CTNNAL1: variants seen among roughly 807,000 people sequenced by gnomAD.
The protein encoded by CTNNAL1 is alpha-catulin.
In CTNNAL1, 69 loss-of-function variants were observed where a neutral mutation model predicts 93.6. The ratio of observed to expected loss-of-function variants is 0.74; its 90% confidence interval spans 0.61 to 0.90. The LOEUF (loss-of-function observed/expected upper bound fraction) is 0.90. Among genes scored for constraint, CTNNAL1 ranks in the 40% least tolerant of loss-of-function variants. CTNNAL1 has a pLI of 0.00. For synonymous variants in CTNNAL1, 286 were observed against 305.4 expected (o/e 0.94, Z 0.66); for missense variants, 836 against 862.0 (o/e 0.97, Z 0.38).
Position 108,942,681 on chromosome 9 carries a change from G to T in CTNNAL1, c.*88C>A, listed in dbSNP as rs1199452889. The T allele has an allele frequency of 1.5e-5, 14 of 913,732 alleles. No individual in the cohort carries two copies. The highest frequency in any genetic ancestry group is 2.4e-5 in the Non-Finnish European group (14 of 580,974). 56.6% of individuals were successfully genotyped at this position (913,732 alleles called of 1,614,324 possible). On this transcript the variant is annotated 3_prime_UTR_variant, in exon 19 of 19. Transcript: ENST00000325551. ...ATATTGTTTTCTTTATAAAATTGATGAATTTCTGAAAAGATAAAGGATCAT... is the reference window on the plus strand; with the variant it reads ...ATATTGTTTTCTTTATAAAATTGATTAATTTCTGAAAAGATAAAGGATCAT...
intron 14 of CTNNAL1, 128 bp from the exon 15 acceptor site, chr9:108,948,362 CTGA>C (rs1830465251): frequency 5.4e-6 from 4 of 739,126 alleles, no homozygotes; most frequent in Non-Finnish European, 2.1e-6. Context: ...TATGAATAGA[CTGA>C]TAATATTGTA....
chr9:108,998,723 T>A (rs1409098505), intron 2 of CTNNAL1, among the ~76,000 whole-genome samples: 1 of 152,218 alleles, frequency 6.6e-6, no homozygotes, highest in Non-Finnish European at 1.5e-5. Context: ...AGAATACTAA[T>A]GGATACTAAT....
In CTNNAL1 at chr9:108,983,307, C is replaced by T. The variant is rs752760244; in HGVS notation, c.738G>A (p.Leu246=). 3.9e-6 allele frequency: 6 copies of T among 1,523,012 alleles called. No homozygotes were observed. The African/African-American group carries it at 4.3e-5, about 11-fold the overall frequency. 94.3% of individuals were successfully genotyped at this position (1,523,012 alleles called of 1,614,324 possible). The stretch of plus-strand genomic sequence containing the variant: ...GGGCTGATTCGCAGTTAGGATGCCT[C>T]AGACATGTCTTCAAAACAATTGAAA... ...MMLLTASKTC[L]RHPNCESAHK... The change falls in exon 6 of 19, where the codon CTG becomes CTA. Residue 246 remains leucine, a synonymous_variant. Transcript: ENST00000325551.
chr9:108,946,637 G>A (rs917309617), intron 15 of CTNNAL1, among the ~76,000 whole-genome samples: 8 of 152,044 alleles, frequency 5.3e-5, no homozygotes, highest in African/African-American at 1.9e-4. Context: ...AATTCTTATT[G>A]TCTATATTCT....
chr9:108,980,042 A>G (rs1319301816), intron 6 of CTNNAL1, among the ~76,000 whole-genome samples: 2 of 152,210 alleles, frequency 1.3e-5, no homozygotes, highest in Non-Finnish European at 2.9e-5. Context: ...ATCCTCTACC[A>G]GAGGGTCTGT....
chr9:108,976,527 A>AC (rs1445010122), intron 8 of CTNNAL1, among the ~76,000 whole-genome samples: 1 of 151,764 alleles, frequency 6.6e-6, no homozygotes, highest in African/African-American at 2.4e-5. Context: ...TCAAAGGAAA[A>AC]CTTTTTTTTT....
At position 108,983,192 on chromosome 9, in the gene CTNNAL1, T is replaced by C; in HGVS notation, c.853A>G (p.Thr285Ala). Residue 285 changes from threonine (T) to alanine (A), a missense_variant, in exon 6 of 19, where the codon ACT becomes GCT. Coordinates refer to ENST00000325551, the MANE Select transcript of CTNNAL1 (RefSeq NM_003798.4). The stretch of plus-strand genomic sequence containing the variant: ...AAAATACTGATAGATGAAATGTCAG[T>C]CTCTCCATTCGGTTTACAGTCAGTC... ...IVTDCKPNGE[T>A]DISSISIFTG... is the part of the protein sequence containing the mutation. 6.4e-7 allele frequency: 1 copy of C among 1,573,422 alleles called. No homozygotes were observed. Among genetic ancestry groups the C allele is most frequent in the South Asian group, 1.2e-5 (1 of 83,402 alleles).
At chr9:108,963,069 A>C (rs1454165974) in intron 11 of CTNNAL1, among the ~76,000 whole-genome samples, 1 of 152,162 alleles carries the variant, frequency 6.6e-6, no homozygotes, top group African/African-American at 2.4e-5. Context: ...AAGGAAAAAA[A>C]TTACTTATAT....
At chr9:108,997,524 C>G (rs1405408863) in intron 2 of CTNNAL1, among the ~76,000 whole-genome samples, 1 of 152,182 alleles carries the variant, frequency 6.6e-6, no homozygotes, top group Non-Finnish European at 1.5e-5. Context: ...CTCAATGACT[C>G]CTAGTATGGA....
intron 16 of CTNNAL1, 26 bp downstream of exon 16, chr9:108,943,936 G>A: frequency 6.2e-7 from 1 of 1,610,664 alleles, no homozygotes; most frequent in African/African-American, 1.3e-5. Flanking sequence ...ACCACCACCA[G>A]CTCCAGGTAG....
chr9:109,013,432 G>A lies in CTNNAL1; in HGVS notation c.11C>T (p.Ser4Phe), dbSNP rs1176775135. The A allele has an allele frequency of 5.4e-6, 8 of 1,478,276 alleles. No homozygotes were observed. Among genetic ancestry groups the A allele is most frequent in the Non-Finnish European group, 7.2e-6 (8 of 1,112,882 alleles). 91.6% of individuals were successfully genotyped at this position (1,478,276 alleles called of 1,614,324 possible). A position where few individuals can be genotyped will look rare whatever the true frequency, so the allele number is the denominator to read the frequency against. Residue 4 changes from serine to phenylalanine, a missense_variant, in exon 1 of 19, where the codon TCT becomes TTT. Ser to Phe is a radical substitution (Grantham distance 155, BLOSUM62 -2). Coordinates refer to ENST00000325551, the MANE Select transcript of CTNNAL1 (RefSeq NM_003798.4). MAA[S>F]PGPAGVGGAG... The stretch of plus-strand genomic sequence containing the variant: ...GCCGCCAACGCCGGCGGGTCCGGGA[G>A]AGGCGGCCATGGCCCTCGGTCTATC...
At chr9:108,944,088 T>C in intron 15 of CTNNAL1, 70 bp from the exon 16 acceptor site, 1 of 1,363,536 alleles carries the variant, frequency 7.3e-7, no homozygotes, top group African/African-American at 1.5e-5. Flanking sequence ...ATATACTTAC[T>C]AATAATTTTT....
intron 1 of CTNNAL1, among the ~76,000 whole-genome samples, chr9:109,002,621 T>G (rs1826873729): frequency 6.6e-6 from 1 of 152,140 alleles, no homozygotes; most frequent in Admixed American, 6.5e-5. Context: ...CAGTAAAATG[T>G]AAGAGAAGAG....
chr9:108,958,688 A>G (rs1241073572), intron 11 of CTNNAL1, among the ~76,000 whole-genome samples: 1 of 152,122 alleles, frequency 6.6e-6, no homozygotes, highest in Non-Finnish European at 1.5e-5. Context: ...ATAGTTAATT[A>G]TAGATGTTAT....
chr9:108,989,847 C>T (rs1159249460), intron 4 of CTNNAL1, among the ~76,000 whole-genome samples: 4 of 151,960 alleles, frequency 2.6e-5, no homozygotes, highest in South Asian at 2.1e-4. Flanking sequence ...ATTAGGAGTT[C>T]GAGACCAGCC....
At chr9:108,978,022 T>A (rs1831311993) in intron 7 of CTNNAL1, among the ~76,000 whole-genome samples, 1 of 152,218 alleles carries the variant, frequency 6.6e-6, no homozygotes, top group African/African-American at 2.4e-5. Flanking sequence ...GAATGCAGGA[T>A]CAGAGATCTG....
intron 10 of CTNNAL1, among the ~76,000 whole-genome samples, chr9:108,966,521 CT>C (rs1830957782): frequency 6.6e-6 from 1 of 152,106 alleles, no homozygotes; most frequent in African/African-American, 2.4e-5. Flanking sequence ...CCTTCCACAT[CT>C]GATGGTTCAA....
intron 1 of CTNNAL1, among the ~76,000 whole-genome samples, chr9:109,011,760 T>C (rs779662191): frequency 1.3e-5 from 2 of 152,244 alleles, no homozygotes; most frequent in Non-Finnish European, 2.9e-5. Flanking sequence ...TTCCTCAGTT[T>C]CCTCTCCCAT....
chr9:108,984,238 T>C, intron 5 of CTNNAL1, 109 bp downstream of exon 5: 3 of 673,282 alleles, frequency 4.5e-6, no homozygotes, highest in Non-Finnish European at 5.3e-6. Flanking sequence ...GCCTATGTTC[T>C]AAGTAATCAC....
Sources: allele counts gnomAD v4.1 joint callset (sites outside exome capture counted in the v4.1 genomes callset), GRCh38; gene constraint gnomAD v4.1.1; transcripts MANE v1.5; gene names NCBI Gene and HGNC (gene_info 2026-07-23, HGNC 2026-07-21).